CFAP69: variants seen among roughly 807,000 people sequenced by gnomAD.
CFAP69 encodes cilia and flagella associated protein 69.
CFAP69 carries 92 observed loss-of-function variants against 123.0 expected under a neutral mutation model. That is an observed-to-expected ratio of 0.75 (90% CI 0.63 to 0.89). The LOEUF (loss-of-function observed/expected upper bound fraction) is 0.89. CFAP69 is among the 40% of genes least tolerant of loss of function. CFAP69 has a pLI of 0.00. For synonymous variants in CFAP69, 380 were observed against 364.3 expected (o/e 1.04, Z -0.49); for missense variants, 1,067 against 1,096.9 (o/e 0.97, Z 0.39).
chr7:90,301,108 A>G (rs1207230561), intron 17 of CFAP69: 1 of 152,048 alleles, frequency 6.6e-6, no homozygotes, highest in Non-Finnish European at 1.5e-5. Flanking sequence ...AGCTGGGTCT[A>G]CAGGCACGTG....
At chr7:90,308,531 A>T (rs1793931700) in intron 21 of CFAP69, among the ~76,000 whole-genome samples, 3 of 152,146 alleles carry the variant, frequency 2.0e-5, no homozygotes, top group Admixed American at 6.5e-5. Context: ...TAATGTTTCA[A>T]TACTTCCTAT....
chr7:90,282,828 GA>G, intron 12 of CFAP69, 63 bp from the exon 13 acceptor site: 1 of 1,259,862 alleles, frequency 7.9e-7, no homozygotes, highest in Non-Finnish European at 1.0e-6. Context: ...AGATGTATAA[GA>G]TATCTGATAT....
At chr7:90,319,616 C>G in the CFAP69 span, 15 of 398,564 alleles carry the variant, frequency 3.8e-5, no homozygotes, top group African/African-American at 2.9e-4. Context: ...CACTGGAGAT[C>G]AATGTCTTTG....
In CFAP69 at chr7:90,279,910, G is replaced by A; in HGVS notation, c.1372+17G>A. The A allele has an allele frequency of 6.5e-7, 1 of 1,531,618 alleles. No homozygotes were observed. The highest frequency in any genetic ancestry group is 8.8e-7 in the Non-Finnish European group (1 of 1,140,948). 94.9% of individuals were successfully genotyped at this position (1,531,618 alleles called of 1,614,324 possible). On this transcript the variant is annotated intron_variant, in intron 12 of 22. Coordinates refer to ENST00000389297, the MANE Select transcript of CFAP69 (RefSeq NM_001039706.3). ...AGAGTGAAGGTGAGTGGCCCTTCAAGATTCTTGTCAAAATTCTAATCTTCA... is the reference window on the plus strand; with the variant it reads ...AGAGTGAAGGTGAGTGGCCCTTCAAAATTCTTGTCAAAATTCTAATCTTCA...
chr7:90,286,453 A>C (rs1323570802), intron 14 of CFAP69, 54 bp downstream of exon 14: 1 of 1,557,212 alleles, frequency 6.4e-7, no homozygotes, highest in Non-Finnish European at 8.7e-7. Context: ...TAACACTATA[A>C]ACTATTTTTG....
At chr7:90,315,831 G>A (rs1447700212), downstream of CFAP69, among the ~76,000 whole-genome samples, 6 of 152,144 alleles carry the variant, frequency 3.9e-5, no homozygotes, top group African/African-American at 1.4e-4. Flanking sequence ...GGTGGCTTAC[G>A]CCTGTAATCC....
chr7:90,292,796 T>G (rs1791393410), intron 15 of CFAP69, among the ~76,000 whole-genome samples: 1 of 152,208 alleles, frequency 6.6e-6, no homozygotes, highest in African/African-American at 2.4e-5. Context: ...AATTAATTTC[T>G]GTTTGATATT....
At chr7:90,284,571 C>T (rs187895406) in intron 13 of CFAP69, among the ~76,000 whole-genome samples, 3 of 152,250 alleles carry the variant, frequency 2.0e-5, no homozygotes, top group South Asian at 4.1e-4. Flanking sequence ...TTAGCCTACA[C>T]GTCATCAATT....
the CFAP69 span, chr7:90,317,071 A>G: frequency 6.6e-6 from 1 of 151,906 alleles, no homozygotes; most frequent in African/African-American, 2.4e-5. Context: ...AATGAATTCT[A>G]GGTGGATAGC....
intron 2 of CFAP69, among the ~76,000 whole-genome samples, chr7:90,255,868 C>T (rs1797583015): frequency 1.3e-5 from 2 of 152,100 alleles, no homozygotes; most frequent in South Asian, 4.1e-4. Context: ...TACACACAAA[C>T]ATGTACACAT....
At chr7:90,305,628 G>A (rs747937231) in intron 19 of CFAP69, among the ~76,000 whole-genome samples, 5 of 151,676 alleles carry the variant, frequency 3.3e-5, no homozygotes, top group Non-Finnish European at 7.4e-5. Flanking sequence ...CGAGGTGGGT[G>A]GATCACCCAA....
At chr7:90,316,388 G>A in the CFAP69 span, 1 of 152,144 alleles carries the variant, frequency 6.6e-6, no homozygotes, top group Non-Finnish European at 1.5e-5. Flanking sequence ...ATTTTGAATA[G>A]GACAAAAGAG....
intron 1 of CFAP69, among the ~76,000 whole-genome samples, chr7:90,247,521 C>G (rs1796475818): frequency 6.6e-6 from 1 of 152,094 alleles, no homozygotes; most frequent in Non-Finnish European, 1.5e-5. Flanking sequence ...GAGATAATGA[C>G]AGTACTCATG....
chr7:90,272,025 C>T, intron 8 of CFAP69, 67 bp downstream of exon 8: 2 of 1,399,972 alleles, frequency 1.4e-6, no homozygotes, highest in South Asian at 3.0e-5. Context: ...ACATAACTAA[C>T]ATCTTTGTTT....
At chr7:90,287,018 G>T (rs1434772635) in intron 14 of CFAP69, among the ~76,000 whole-genome samples, 1 of 149,792 alleles carries the variant, frequency 6.7e-6, no homozygotes, top group Non-Finnish European at 1.5e-5. Context: ...AACCTAGGAG[G>T]TAGGTTACAG....
chr7:90,287,952 C>A (rs1562897229), intron 14 of CFAP69, among the ~76,000 whole-genome samples: 1 of 151,702 alleles, frequency 6.6e-6, no homozygotes, highest in African/African-American at 2.4e-5. Context: ...TTTATGACTT[C>A]TTTTAGGAGA....
rs1584330924 is a variant in CFAP69 at position 90,258,235 on chromosome 7, A to T, written c.246+72A>T. ...GAGAATTTCTTTTAGAAAATGTGTT[A>T]GTTTTCCATTGCTGTTGTAACAAAT... On this transcript the variant is annotated intron_variant, in intron 3 of 22. Transcript: ENST00000389297. 3 of 1,044,786 alleles carry T rather than the reference A, an allele frequency of 2.9e-6. No individual in the cohort carries two copies. In the East Asian group the frequency reaches 7.5e-5, roughly 26 times the overall value. 64.7% of individuals were successfully genotyped at this position (1,044,786 alleles called of 1,614,324 possible).
At chr7:90,256,805 C>T (rs569429649) in intron 2 of CFAP69, among the ~76,000 whole-genome samples, 14 of 152,032 alleles carry the variant, frequency 9.2e-5, no homozygotes, top group Non-Finnish European at 1.6e-4. Context: ...AATAAGGCTA[C>T]AGAGAAAAAG....
At chr7:90,304,242 A>G in intron 18 of CFAP69, 136 bp downstream of exon 18, 2 of 1,385,552 alleles carry the variant, frequency 1.4e-6, no homozygotes, top group African/African-American at 1.5e-5. Flanking sequence ...TTGTTACCCC[A>G]ATTCCCAAAC....
Sources: gnomAD v4.1 joint callset for allele counts (sites outside exome capture counted in the v4.1 genomes callset) on GRCh38, gnomAD v4.1.1 for gene constraint, MANE v1.5 for transcripts, NCBI Gene and HGNC (gene_info 2026-07-23, HGNC 2026-07-21) for gene names.